TIAM2: variants seen among roughly 807,000 people sequenced by gnomAD.
TIAM2 encodes the protein TIAM Rac1 associated GEF 2, also known as rho guanine nucleotide exchange factor TIAM2.
A neutral mutation model predicts 152.9 loss-of-function variants in TIAM2; 80 were observed. The ratio of observed to expected loss-of-function variants is 0.52; its 90% confidence interval spans 0.44 to 0.63. The LOEUF is 0.63. Among genes scored for constraint, TIAM2 ranks in the 30% least tolerant of loss-of-function variants. The pLI, the probability that TIAM2 is intolerant of heterozygous loss-of-function variation, is 0.00. For synonymous variants in TIAM2, 804 were observed against 838.0 expected, an observed-to-expected ratio of 0.96 and a Z score of 0.70; for missense variants, 1,965 against 2,120.1, an observed-to-expected ratio of 0.93 and a Z score of 1.44.
chr6:155,102,021 C>T (rs1483400904), intron 2 of TIAM2, among the ~76,000 whole-genome samples: 1 of 144,016 alleles, frequency 6.9e-6, no homozygotes, highest in Non-Finnish European at 1.5e-5. Context: ...GAGACACAGT[C>T]TCACTTTGTC....
chr6:155,156,847 G>T lies in TIAM2; in HGVS notation c.2029-7568G>T, dbSNP rs1780129994. On this transcript the variant is annotated intron_variant, in intron 7 of 26. Coordinates refer to ENST00000682666, the MANE Select transcript of TIAM2 (RefSeq NM_012454.4). The surrounding 1 kb of genome is among the most constrained non-coding windows in gnomAD (Gnocchi z 4.4). ...CCTGTGCTGTGCACAAATGTGCCCT[G>T]CTCCCCTCCGCCCTCTTCATCTGGC... is the stretch of plus-strand genomic sequence containing the variant. 6.6e-6 allele frequency among the ~76,000 whole-genome samples: 1 copy of T among 152,162 alleles called. No homozygotes were observed. Among genetic ancestry groups the T allele is most frequent in the Admixed American group, 6.6e-5 (1 of 15,266 alleles).
At chr6:155,243,940 G>T in intron 16 of TIAM2, 71 bp from the exon 17 acceptor site, 2 of 1,256,662 alleles carry the variant, frequency 1.6e-6, no homozygotes. Flanking sequence ...CTGCCAGGTT[G>T]CTGCTACCCA....
chr6:155,184,497 A>G (rs762785131), intron 14 of TIAM2, among the ~76,000 whole-genome samples: 88 of 152,356 alleles, frequency 5.8e-4, no homozygotes, highest in Middle Eastern at 3.4e-3. Context: ...ACTGAAAACC[A>G]GTAGTTTCGC....
At chr6:155,089,252 C>T (rs1450970172) in intron 1 of TIAM2, among the ~76,000 whole-genome samples, 3 of 151,998 alleles carry the variant, frequency 2.0e-5, no homozygotes. Context: ...TGGAGTCTCT[C>T]TGTCACCCAG....
intron 2 of TIAM2, among the ~76,000 whole-genome samples, chr6:155,122,549 T>C (rs541581200): frequency 1.3e-5 from 2 of 151,140 alleles, no homozygotes; most frequent in African/African-American, 4.9e-5. Flanking sequence ...TCTAGGTCCA[T>C]GTCATTGTGA....
chr6:155,187,559 C>T (rs1336618994), intron 14 of TIAM2, among the ~76,000 whole-genome samples: 1 of 125,146 alleles, frequency 8.0e-6, no homozygotes, highest in East Asian at 2.1e-4. Flanking sequence ...ACCCCCCCTC[C>T]CCCACCCCGC....
chr6:155,206,379 G>A (rs1018640698), intron 14 of TIAM2, among the ~76,000 whole-genome samples: 2 of 152,118 alleles, frequency 1.3e-5, no homozygotes, highest in African/African-American at 2.4e-5. Flanking sequence ...TGGGGTACAG[G>A]CACCCACCAC....
At chr6:155,165,123 C>T in intron 8 of TIAM2, 140 bp from the exon 9 acceptor site, 4 of 884,470 alleles carry the variant, frequency 4.5e-6, no homozygotes, top group Non-Finnish European at 6.8e-6. Context: ...ATGATGGATG[C>T]TTTCCTGGTA....
intron 4 of TIAM2, among the ~76,000 whole-genome samples, chr6:155,134,760 C>T (rs982946385): frequency 1.3e-5 from 2 of 152,008 alleles, no homozygotes; most frequent in African/African-American, 4.8e-5. Context: ...GGCTGGAGTG[C>T]AGTGGCGTGA....
At chr6:155,132,544 C>G (rs1779471514) in intron 4 of TIAM2, among the ~76,000 whole-genome samples, 1 of 152,122 alleles carries the variant, frequency 6.6e-6, no homozygotes, top group South Asian at 2.1e-4. Flanking sequence ...TGGATCATCA[C>G]TTTTTCAGAC....
intron 2 of TIAM2, among the ~76,000 whole-genome samples, chr6:155,090,947 G>A (rs963415280): frequency 6.6e-6 from 1 of 152,106 alleles, no homozygotes; most frequent in Non-Finnish European, 1.5e-5. Context: ...AAGTACTAAA[G>A]CAGGAAAGCT....
At chr6:155,245,760 T>TTTG in intron 19 of TIAM2, 29 bp downstream of exon 19, 1 of 1,447,648 alleles carries the variant, frequency 6.9e-7, no homozygotes. Flanking sequence ...TTATAGTTTT[T>TTTG]TTTTTTTTTT....
In TIAM2 at chr6:155,144,734, G is replaced by A. The variant is rs771579463; in HGVS notation, c.1759G>A (p.Val587Met). ...SVPEHPKKEN[V>M]FCLSNSFGDV... ...TCCAGAGCATCCCAAGAAAGAAAAT[G>A]TGTTCTGCCTCAGCAACTCCTTTGG... The change falls in exon 6 of 27, where the codon GTG becomes ATG. Residue 587 changes from valine (V) to methionine (M), a missense_variant. By Grantham distance (21) the Val-to-Met change is conservative (BLOSUM62 1). Transcript: ENST00000682666. 3 of 1,610,258 alleles carry A rather than the reference G, an allele frequency of 1.9e-6. No individual in the cohort carries two copies. The highest frequency in any genetic ancestry group is 2.7e-5 in the African/African-American group (2 of 74,720).
chr6:155,244,780 T>C lies in TIAM2; in HGVS notation c.3540T>C (p.Phe1180=), dbSNP rs1399720363. The stretch of plus-strand genomic sequence containing the variant: ...ACACCCTAGAAACCCCCTCACAGTT[T>C]AGAGTAAGTATCTCAGATTTAGGCT... ...DFNTLETPSQ[F]RKLLFSLGGS... is the part of the protein sequence containing the mutation. The change falls in exon 18 of 27, where the codon TTT becomes TTC. Residue 1180 remains phenylalanine, a synonymous_variant. Transcript: ENST00000682666. The C allele has an allele frequency of 6.2e-7, 1 of 1,606,998 alleles. No individual in the cohort carries two copies. The highest frequency in any genetic ancestry group is 1.3e-5 in the African/African-American group (1 of 74,678).
Position 155,129,578 on chromosome 6 carries a change from GT to G in TIAM2, c.357del (p.Gly120AlafsTer54). On this transcript the variant is annotated frameshift_variant, in exon 4 of 27. Transcript: ENST00000682666. LOFTEE classifies it high-confidence loss of function. This position sits in a 1 kb window ranked among gnomAD's most constrained non-coding sequence, Gnocchi z 4.8. ...CTCAACTGAGAATGGCTTCCACTCT[GT>G]TGGCCACGAGCTGGCAGATAACCAC... Reference protein sequence around the residue: ...AFSTENGFHSVGHELADNHIT... With the variant: ...AFSTENGFHSXGHELADNHIT... 1 of 1,614,126 alleles carries G rather than the reference GT, an allele frequency of 6.2e-7. No homozygotes were observed. Among genetic ancestry groups the G allele is most frequent in the Non-Finnish European group, 8.5e-7 (1 of 1,180,024 alleles).
chr6:155,038,953 C>CTT (rs33971396), intron 1 of TIAM2, among the ~76,000 whole-genome samples: 21 of 64,176 alleles, frequency 3.3e-4, no homozygotes, highest in East Asian at 1.0e-3. Context: ...TGAGCATGTC[C>CTT]TTTTTTTTTT....
At position 155,183,353 on chromosome 6, in the gene TIAM2, C is replaced by G; in HGVS notation, c.2917C>G (p.Arg973Gly). ...GAGCGTCGGACTCACTCTGATTGCC[C>G]GGCCTCCGGACACAAAAGCAACCCT... ...EKSVGLTLIA[R>G]PPDTKATLCT... is the part of the protein sequence containing the mutation. Residue 973 changes from arginine (R) to glycine (G), a missense_variant, in exon 14 of 27, where the codon CGG becomes GGG. Physicochemically the swap from Arg to Gly is moderately radical, Grantham distance 125. Transcript: ENST00000682666. 6.2e-7 allele frequency: 1 copy of G among 1,613,198 alleles called. No individual in the cohort carries two copies. The highest frequency in any genetic ancestry group is 8.5e-7 in the Non-Finnish European group (1 of 1,179,656).
intron 14 of TIAM2, among the ~76,000 whole-genome samples, chr6:155,191,424 C>T (rs1348461087): frequency 6.6e-6 from 1 of 152,186 alleles, no homozygotes; most frequent in East Asian, 1.9e-4. Flanking sequence ...CTGTTCTTAG[C>T]CATGCAGTGT....
At chr6:155,115,883 G>A (rs1778998307) in intron 2 of TIAM2, among the ~76,000 whole-genome samples, 2 of 152,164 alleles carry the variant, frequency 1.3e-5, no homozygotes, top group South Asian at 2.1e-4. Context: ...AGGCCGAGGT[G>A]GGCGGCTCAC....
Sources: allele counts gnomAD v4.1 joint callset (sites outside exome capture counted in the v4.1 genomes callset), GRCh38; gene constraint gnomAD v4.1.1; non-coding constraint Gnocchi (gnomAD v3.1); transcripts MANE v1.5; gene names NCBI Gene and HGNC (gene_info 2026-07-23, HGNC 2026-07-21).